The following PAK5 variants were observed in gnomAD, a reference collection of about 807,000 sequenced individuals.
PAK5 encodes serine/threonine-protein kinase PAK 5.
In PAK5, 16 loss-of-function variants were observed where a neutral mutation model predicts 65.9. The observed-to-expected ratio is 0.24, with a 90% CI of 0.16 to 0.37. The LOEUF is 0.37. Among genes scored for constraint, PAK5 ranks in the 10% least tolerant of loss-of-function variants. The probability of loss-of-function intolerance (pLI) is 1.00; values close to 1 mark genes in which losing one functional copy is unlikely to be tolerated. For missense variants in PAK5, 785 were observed against 903.9 expected, an observed-to-expected ratio of 0.87 and a Z score of 1.69; for synonymous variants, 371 against 354.9, an observed-to-expected ratio of 1.05 and a Z score of -0.51.
intron 3 of PAK5, among the ~76,000 whole-genome samples, chr20:9,641,065 TGTCAGGG>T (rs1198587118): frequency 4.6e-5 from 7 of 152,158 alleles, no homozygotes; most frequent in African/African-American, 1.4e-4. Flanking sequence ...TGGCCTGTTT[TGTCAGGG>T]TGCTGATTGG....
intron 1 of PAK5, among the ~76,000 whole-genome samples, chr20:9,787,464 T>C (rs954889549): frequency 1.3e-5 from 2 of 152,170 alleles, no homozygotes; most frequent in African/African-American, 4.8e-5. Flanking sequence ...GCTTCAGTCA[T>C]CCTTAAGCAT....
At chr20:9,816,776 T>C (rs192978121) in intron 1 of PAK5, among the ~76,000 whole-genome samples, 76 of 152,274 alleles carry the variant, frequency 5.0e-4, no homozygotes, top group African/African-American at 1.8e-3. Context: ...CCATACCTTA[T>C]AATAAATCTC....
At chr20:9,762,818 T>G (rs2048714765) in intron 1 of PAK5, among the ~76,000 whole-genome samples, 1 of 152,164 alleles carries the variant, frequency 6.6e-6, no homozygotes, top group Non-Finnish European at 1.5e-5. Flanking sequence ...TGTGCTCCCT[T>G]GTTCACTGTG....
chr20:9,621,482 C>A, intron 3 of PAK5, among the ~76,000 whole-genome samples: 1 of 140,976 alleles, frequency 7.1e-6, no homozygotes, highest in East Asian at 2.1e-4. Flanking sequence ...AAGTCTCTTA[C>A]ATATTTCCAG....
At chr20:9,734,892 G>C (rs1407841248) in intron 1 of PAK5, among the ~76,000 whole-genome samples, 6 of 152,174 alleles carry the variant, frequency 3.9e-5, no homozygotes, top group African/African-American at 1.4e-4. Flanking sequence ...AACAACAAAA[G>C]GGAGAAACAG....
intron 2 of PAK5, among the ~76,000 whole-genome samples, chr20:9,689,217 G>A (rs527627013): frequency 1.8e-4 from 28 of 152,270 alleles, no homozygotes; most frequent in African/African-American, 6.7e-4. Context: ...TGCAGAAACC[G>A]TGGGAGGTTC....
intron 2 of PAK5, among the ~76,000 whole-genome samples, chr20:9,666,968 G>A (rs989975068): frequency 6.6e-6 from 1 of 152,110 alleles, no homozygotes; most frequent in East Asian, 1.9e-4. Context: ...CAAATTTTGT[G>A]TCCCTTCTTT....
Position 9,539,278 on chromosome 20 carries a change from G to T in PAK5, c.*184C>A. On this transcript the variant is annotated 3_prime_UTR_variant, in exon 10 of 10. Transcript: ENST00000353224. ...CAAGTGACCACACCGGCTGTCAGTG[G>T]AGAGATGCCTGTTTAAGACACAAGA... 1.7e-6 allele frequency: 1 copy of T among 595,242 alleles called. No individual in the cohort carries two copies. The highest frequency in any genetic ancestry group is 3.0e-6 in the Non-Finnish European group (1 of 330,800). The allele number at this position is 595,242 out of a possible 1,614,324, so 36.9% of individuals were successfully genotyped here. A position where few individuals can be genotyped will look rare whatever the true frequency, so the allele number is the denominator to read the frequency against.
At chr20:9,745,437 A>G (rs1441583365) in intron 1 of PAK5, among the ~76,000 whole-genome samples, 5 of 152,102 alleles carry the variant, frequency 3.3e-5, no homozygotes, top group South Asian at 4.1e-4. Context: ...AAAGGGCCAC[A>G]AAAAGGAAAA....
chr20:9,612,629 C>T (rs2046583443), intron 3 of PAK5, among the ~76,000 whole-genome samples: 1 of 152,088 alleles, frequency 6.6e-6, no homozygotes, highest in Admixed American at 6.5e-5. Flanking sequence ...TTCGTGAGAA[C>T]TCCACCCCCC....
chr20:9,581,469 G>A (rs1255476469), intron 3 of PAK5, among the ~76,000 whole-genome samples: 2 of 152,156 alleles, frequency 1.3e-5, no homozygotes, highest in Non-Finnish European at 2.9e-5. Context: ...AATAACTGAG[G>A]TTATGAAATT....
At chr20:9,797,178 T>C (rs6056888) in intron 1 of PAK5, among the ~76,000 whole-genome samples, 1,953 of 151,924 alleles carry the variant, frequency 0.013, 48 homozygotes, top group African/African-American at 0.042. Flanking sequence ...GTTGGCTGCA[T>C]AAATGTCTTC....
intron 3 of PAK5, among the ~76,000 whole-genome samples, chr20:9,630,051 T>C (rs1467528584): frequency 6.6e-6 from 1 of 152,202 alleles, no homozygotes. Flanking sequence ...CTTGGCTGTA[T>C]AAAGATTTCC....
At chr20:9,573,997 C>G (rs949328706) in intron 4 of PAK5, among the ~76,000 whole-genome samples, 1 of 152,172 alleles carries the variant, frequency 6.6e-6, no homozygotes, top group Non-Finnish European at 1.5e-5. Context: ...CACAGTACCT[C>G]TATTATCTGA....
chr20:9,625,494 G>A (rs2046831937), intron 3 of PAK5, among the ~76,000 whole-genome samples: 1 of 152,196 alleles, frequency 6.6e-6, no homozygotes, highest in Admixed American at 6.5e-5. Flanking sequence ...GCTGTGCACG[G>A]GTTTTTGGTG....
intron 1 of PAK5, among the ~76,000 whole-genome samples, chr20:9,765,495 G>C (rs972278284): frequency 2.6e-5 from 4 of 151,606 alleles, no homozygotes. Context: ...GAAAATGTTA[G>C]CTATTTTCTG....
chr20:9,829,146 AT>A (rs1443206750), intron 1 of PAK5, among the ~76,000 whole-genome samples: 1 of 152,210 alleles, frequency 6.6e-6, no homozygotes, highest in Non-Finnish European at 1.5e-5. Context: ...AAACAACCAA[AT>A]ATTGATTTTT....
rs550918937 is a variant in PAK5, at chr20:9,567,925, C to T, written c.991-1541G>A. Among the ~76,000 whole-genome samples, 6 of 152,208 alleles carry T rather than the reference C, an allele frequency of 3.9e-5. No homozygotes were observed. In the South Asian group the frequency reaches 1.2e-3, roughly 32 times the overall value. On this transcript the variant is annotated intron_variant, in intron 4 of 9. Transcript: ENST00000353224. ...GGGTTCCGTTGGAGCAGAAGCCTGG[C>T]TGAGTGAGGGAAAAAGCAAGATCCC... is the stretch of plus-strand genomic sequence containing the variant.
intron 2 of PAK5, among the ~76,000 whole-genome samples, chr20:9,651,930 G>A (rs1225348981): frequency 6.6e-6 from 1 of 152,174 alleles, no homozygotes; most frequent in Non-Finnish European, 1.5e-5. Context: ...GAACTATTAA[G>A]GTTTCCAGTC....
Sources: allele counts gnomAD v4.1 joint callset (sites outside exome capture counted in the v4.1 genomes callset), GRCh38; gene constraint gnomAD v4.1.1; transcripts MANE v1.5; gene names NCBI Gene and HGNC (gene_info 2026-07-23, HGNC 2026-07-21).